ANXA10: variants seen among roughly 807,000 people sequenced by gnomAD.
The protein encoded by ANXA10 is annexin 14.
Under a neutral mutation model 53.5 loss-of-function variants are expected in ANXA10, and 49 were observed. The ratio of observed to expected loss-of-function variants is 0.92; its 90% CI spans 0.73 to 1.16. The LOEUF is 1.16. Among genes scored for constraint, ANXA10 ranks in the 50% most tolerant of loss-of-function variants. The probability of loss-of-function intolerance (pLI) is 0.00; values close to 1 mark genes in which losing one functional copy is unlikely to be tolerated. For synonymous variants in ANXA10, 131 were observed against 128.9 expected (o/e 1.02, Z -0.11); for missense variants, 393 against 394.4 (o/e 1.00, Z 0.03).
Position 168,187,623 on chromosome 4 carries a change from C to T in ANXA10, c.*189C>T. Reference sequence around the variant, plus strand: ...AAGTATATGATACTGAATTTGCCTACTATCCTGAATTTGCCTACTATCTAA... The same window carrying T: ...AAGTATATGATACTGAATTTGCCTATTATCCTGAATTTGCCTACTATCTAA... On this transcript the variant is annotated 3_prime_UTR_variant, in exon 12 of 12. Transcript: ENST00000359299. 1 of 394,488 alleles carries T rather than the reference C, an allele frequency of 2.5e-6. No individual in the cohort carries two copies. The highest frequency in any genetic ancestry group is 3.9e-5 in the East Asian group (1 of 25,450). The allele number at this position is 394,488 out of a possible 1,614,324, so 24.4% of individuals were successfully genotyped here.
intron 1 of ANXA10, among the ~76,000 whole-genome samples, chr4:168,113,539 C>A (rs1351662733): frequency 1.3e-5 from 2 of 152,254 alleles, no homozygotes; most frequent in Non-Finnish European, 2.9e-5. Context: ...GTGCTGTGTT[C>A]TCAAGTAACA....
At chr4:168,156,590 G>C (rs1731688259) in intron 3 of ANXA10, among the ~76,000 whole-genome samples, 1 of 150,192 alleles carries the variant, frequency 6.7e-6, no homozygotes, top group African/African-American at 2.5e-5. Flanking sequence ...TGCAAGCTCT[G>C]CCTCCCAGGT....
intron 11 of ANXA10, 34 bp downstream of exon 11, chr4:168,184,715 C>T (rs1465732290): frequency 6.2e-7 from 1 of 1,604,104 alleles, no homozygotes; most frequent in Non-Finnish European, 8.5e-7. Flanking sequence ...TTTGGACCCA[C>T]ATTTTCTCCT....
chr4:168,166,406 C>T (rs1731878544), intron 6 of ANXA10, among the ~76,000 whole-genome samples: 1 of 152,210 alleles, frequency 6.6e-6, no homozygotes, highest in African/African-American at 2.4e-5. Flanking sequence ...AAATATTCCA[C>T]ATATTAGCAT....
rs147539910 is a variant in ANXA10 at position 168,164,255 on chromosome 4, G to T, written c.367G>T (p.Glu123Ter). 3.2e-5 allele frequency: 52 copies of T among 1,613,146 alleles called. No homozygotes were observed. In the South Asian group the frequency reaches 3.8e-4, roughly 12 times the overall value. The change falls in exon 5 of 12, where the codon GAA becomes TAA. Residue 123 changes from glutamate (E) to a stop codon, truncating the protein, a stop_gained. Coordinates refer to ENST00000359299, the MANE Select transcript of ANXA10 (RefSeq NM_007193.5). LOFTEE classifies it high-confidence loss of function. ...IEILASRTNG[E>*]IFQMREAYCL... ...AATACTAGCTTCAAGAACAAATGGA[G>T]AAATTTTCCAGATGCGAGAAGCCTA...
At position 168,187,694 on chromosome 4, in the gene ANXA10, C is replaced by T. The variant is rs1331765736; in HGVS notation, c.*260C>T. 1 of 270,602 alleles carries T rather than the reference C, an allele frequency of 3.7e-6. No homozygotes were observed. Among genetic ancestry groups the T allele is most frequent in the Non-Finnish European group, 6.9e-6 (1 of 144,160 alleles). The allele number at this position is 270,602 out of a possible 1,614,324, so 16.8% of individuals were successfully genotyped here. A position where few individuals can be genotyped will look rare whatever the true frequency, so the allele number is the denominator to read the frequency against. On this transcript the variant is annotated 3_prime_UTR_variant, in exon 12 of 12. Transcript: ENST00000359299. ...GCATGATGGAATAATAGAAAAATTG[C>T]ATTGGAATAGATTTTATTTAAATGT...
At chr4:168,155,867 ATCATATATTATAT>A (rs1731636024) in intron 3 of ANXA10, among the ~76,000 whole-genome samples, 3 of 8,398 alleles carry the variant, frequency 3.6e-4, no homozygotes, top group Non-Finnish European at 6.2e-4. Context: ...TATATGATAT[ATCATATATTATAT>A]GTTATATATA....
chr4:168,151,918 C>T (rs1418174893), intron 3 of ANXA10, among the ~76,000 whole-genome samples: 1 of 152,154 alleles, frequency 6.6e-6, no homozygotes, highest in African/African-American at 2.4e-5. Context: ...GTTCAAATTG[C>T]CAAGAATGAC....
chr4:168,147,932 C>T (rs1731431412), intron 3 of ANXA10, among the ~76,000 whole-genome samples: 1 of 152,192 alleles, frequency 6.6e-6, no homozygotes. Context: ...GAGACAGAGG[C>T]TCTGCATTAG....
chr4:168,125,864 A>G (rs540190238), intron 1 of ANXA10, among the ~76,000 whole-genome samples: 1 of 152,262 alleles, frequency 6.6e-6, no homozygotes, highest in South Asian at 2.1e-4. Flanking sequence ...AGTATTCTTT[A>G]TTCCTTTTTC....
intron 1 of ANXA10, among the ~76,000 whole-genome samples, chr4:168,124,952 AAAG>A (rs973958259): frequency 2.6e-5 from 4 of 152,236 alleles, no homozygotes; most frequent in African/African-American, 9.6e-5. Flanking sequence ...ACAGAAATTA[AAAG>A]AAGGCAAATT....
At chr4:168,169,004 A>C (rs1731932741) in intron 6 of ANXA10, among the ~76,000 whole-genome samples, 1 of 152,198 alleles carries the variant, frequency 6.6e-6, no homozygotes, top group South Asian at 2.1e-4. Context: ...TCCTATTCTG[A>C]GGATTTTCAT....
rs1732394702 is a variant in ANXA10 at position 168,187,533 on chromosome 4, ACT to A, written c.*100_*101del. 9.2e-6 allele frequency: 6 copies of A among 651,244 alleles called. No homozygotes were observed. The highest frequency in any genetic ancestry group is 7.4e-6 in the Non-Finnish European group (3 of 405,690). 40.3% of individuals were successfully genotyped at this position (651,244 alleles called of 1,614,324 possible). A position where few individuals can be genotyped will look rare whatever the true frequency, so the allele number is the denominator to read the frequency against. On this transcript the variant is annotated 3_prime_UTR_variant, in exon 12 of 12. Transcript: ENST00000359299. ...TACTGTTCATGGCACTATTAACAAA[ACT>A]ATACAATCATATTTTCTCTTCTATC...
rs1168073685 is a variant in ANXA10, at chr4:168,165,318, T to A, written c.472T>A (p.Leu158Met). The change falls in exon 6 of 12, where the codon TTG (leucine) becomes ATG (methionine). Residue 158 changes from leucine to methionine, a missense_variant. Transcript: ENST00000359299. ...SGHFRDTLMN[L>M]VQGTREEGYT... is the part of the protein sequence containing the mutation. ...ACACTTCAGAGATACTCTCATGAACTTGGTCCAGGTATGGCATTCCAAAAT... is the reference window on the plus strand; with the variant it reads ...ACACTTCAGAGATACTCTCATGAACATGGTCCAGGTATGGCATTCCAAAAT... The A allele has an allele frequency of 6.3e-7, 1 of 1,577,228 alleles. No individual in the cohort carries two copies. Among genetic ancestry groups the A allele is most frequent in the Non-Finnish European group, 8.6e-7 (1 of 1,157,204 alleles).
chr4:168,138,905 G>T (rs1731281886), intron 2 of ANXA10, among the ~76,000 whole-genome samples: 1 of 151,994 alleles, frequency 6.6e-6, no homozygotes, highest in Non-Finnish European at 1.5e-5. Context: ...GATTGTTTTT[G>T]GTGTATAGAA....
chr4:168,115,513 A>G (rs1339688437), intron 1 of ANXA10, among the ~76,000 whole-genome samples: 13 of 150,872 alleles, frequency 8.6e-5, no homozygotes, highest in African/African-American at 3.2e-4. Flanking sequence ...ACACACACAC[A>G]CACACACACA....
rs541382718 is a variant in ANXA10 at position 168,148,804 on chromosome 4, T to G, written c.195+9224T>G. 5.3e-5 allele frequency among the ~76,000 whole-genome samples: 8 copies of G among 152,256 alleles called. No individual in the cohort carries two copies. In the South Asian group the frequency reaches 6.2e-4, roughly 12 times the overall value. On this transcript the variant is annotated intron_variant, in intron 3 of 11. Transcript: ENST00000359299. ...AAGGACATTCATTAGCAGTTCCTTT[T>G]TTTCTGGAAATAACAAATAAATGTT...
chr4:168,156,056 T>TAATATTTATTA (rs1731650654), intron 3 of ANXA10, among the ~76,000 whole-genome samples: 1 of 55,966 alleles, frequency 1.8e-5, no homozygotes, highest in Non-Finnish European at 2.9e-5. Flanking sequence ...ATATTATATA[T>TAATATTTATTA]TATATATCAT....
chr4:168,154,082 T>C (rs1283562349), intron 3 of ANXA10, among the ~76,000 whole-genome samples: 1 of 152,096 alleles, frequency 6.6e-6, no homozygotes, highest in Non-Finnish European at 1.5e-5. Context: ...AATCTCAGTC[T>C]ACAATTCAGC....
Sources: allele counts gnomAD v4.1 joint callset (sites outside exome capture counted in the v4.1 genomes callset), GRCh38; gene constraint gnomAD v4.1.1; transcripts MANE v1.5; gene names NCBI Gene and HGNC (gene_info 2026-07-23, HGNC 2026-07-21).